USP34: variants seen among roughly 807,000 people sequenced by gnomAD.
USP34 encodes ubiquitin carboxyl-terminal hydrolase 34.
Under a neutral mutation model 460.3 loss-of-function variants are expected in USP34, and 70 were observed. The ratio of observed to expected loss-of-function variants is 0.15; its 90% CI spans 0.13 to 0.19. The LOEUF (loss-of-function observed/expected upper bound fraction) is 0.19. Ranked by LOEUF, USP34 falls within the 10% of genes least tolerant of loss-of-function variation. USP34 has a pLI of 1.00. For synonymous variants in USP34, 1,647 were observed against 1,405.3 expected (o/e 1.17, Z -3.85); for missense variants, 3,985 against 4,236.2 (o/e 0.94, Z 1.65).
In USP34 at chr2:61,348,387, T is replaced by C. The variant is rs1320942624; in HGVS notation, c.1768A>G (p.Ser590Gly). The C allele has an allele frequency of 6.2e-7, 1 of 1,614,020 alleles. No individual in the cohort carries two copies. Among genetic ancestry groups the C allele is most frequent in the Non-Finnish European group, 8.5e-7 (1 of 1,180,040 alleles). The stretch of plus-strand genomic sequence containing the variant: ...GCGTGGCTAGAATTAACCTCATTGC[T>C]AGATCCATCACTATGCCCACTACTG... ...GSSSGHSDGSSNEVNSSHASQ... is the reference protein window; with the variant it reads ...GSSSGHSDGSGNEVNSSHASQ... Residue 590 changes from serine to glycine, a missense_variant, in exon 15 of 80, where the codon AGC becomes GGC. This residue lies in a region of USP34 where 716 missense variants were observed against 626.2 expected (regional missense o/e 1.14). Transcript: ENST00000398571.
At chr2:61,410,586 T>C (rs1355346666) in intron 2 of USP34, among the ~76,000 whole-genome samples, 1 of 152,208 alleles carries the variant, frequency 6.6e-6, no homozygotes, top group Non-Finnish European at 1.5e-5. Flanking sequence ...TAAATAAAAA[T>C]ATCACTTTCA....
intron 27 of USP34, 148 bp from the exon 28 acceptor site, chr2:61,301,602 A>G (rs1690226834): frequency 8.5e-6 from 6 of 703,544 alleles, no homozygotes; most frequent in Non-Finnish European, 2.3e-6. Flanking sequence ...TAGATTGAGG[A>G]TAGTTATTTC....
In USP34 at chr2:61,319,344, A is replaced by T. The variant is rs764202330; in HGVS notation, c.3014-17T>A. On this transcript the variant is annotated splice_polypyrimidine_tract_variant and intron_variant, in intron 21 of 79. Coordinates refer to ENST00000398571, the MANE Select transcript of USP34 (RefSeq NM_014709.4). ...AACTTAACCCTAGATAAAAATTATA[A>T]ATTTTATACTTTATTAACTACATAC... The T allele has an allele frequency of 1.1e-5, 16 of 1,500,738 alleles. No individual in the cohort carries two copies. Among genetic ancestry groups the T allele is most frequent in the East Asian group, 9.8e-5 (4 of 40,840 alleles). 93.0% of individuals were successfully genotyped at this position (1,500,738 alleles called of 1,614,324 possible). A position where few individuals can be genotyped will look rare whatever the true frequency, so the allele number is the denominator to read the frequency against.
intron 5 of USP34, among the ~76,000 whole-genome samples, chr2:61,388,933 A>C (rs1252752924): frequency 6.6e-6 from 1 of 152,170 alleles, no homozygotes; most frequent in Non-Finnish European, 1.5e-5. Flanking sequence ...CATCACCAGT[A>C]AAATAAATTG....
intron 33 of USP34, 145 bp downstream of exon 33, chr2:61,293,319 A>C: frequency 4.1e-6 from 2 of 491,388 alleles, no homozygotes; most frequent in Non-Finnish European, 7.0e-6. Flanking sequence ...TTAGTTTATC[A>C]AACTGTATTT....
chr2:61,289,366 C>G (rs1558511719), intron 33 of USP34, among the ~76,000 whole-genome samples: 1 of 152,072 alleles, frequency 6.6e-6, no homozygotes, highest in Admixed American at 6.5e-5. Flanking sequence ...GAAACTCTTG[C>G]ACTTTCCATA....
intron 2 of USP34, among the ~76,000 whole-genome samples, chr2:61,419,937 A>G (rs899690696): frequency 2.0e-5 from 3 of 152,254 alleles, no homozygotes; most frequent in Non-Finnish European, 4.4e-5. Flanking sequence ...TAAAATCTAC[A>G]AAGTCTTTTG....
At position 61,301,078 on chromosome 2, in the gene USP34, G is replaced by A; in HGVS notation, c.4001C>T (p.Pro1334Leu). The change falls in exon 29 of 80, where the codon CCT (proline) becomes CTT (leucine). Residue 1334 changes from proline to leucine, a missense_variant. Pro to Leu is a moderately conservative substitution (Grantham distance 98, BLOSUM62 -3). Around this residue, in one of 14 missense-constraint regions of USP34, gnomAD observed 1,114 missense variants for 1,122.5 expected, o/e 0.99. Coordinates refer to ENST00000398571, the MANE Select transcript of USP34 (RefSeq NM_014709.4). ...VQLPASCLPPPQKDNIPMLLL... is the reference protein window; with the variant it reads ...VQLPASCLPPLQKDNIPMLLL... ...AAGCATTGGAATGTTGTCCTTCTGA[G>A]GGGGTGGGAGGCAAGATGCTGGCAG... 6.2e-7 allele frequency: 1 copy of A among 1,614,078 alleles called. No individual in the cohort carries two copies. The highest frequency in any genetic ancestry group is 8.5e-7 in the Non-Finnish European group (1 of 1,179,994).
intron 72 of USP34, among the ~76,000 whole-genome samples, chr2:61,205,100 C>T (rs1000857580): frequency 2.0e-5 from 3 of 152,040 alleles, no homozygotes; most frequent in African/African-American, 7.2e-5. Flanking sequence ...TCGAGCAATC[C>T]CCTCCTGCCT....
chr2:61,276,663 TAA>T (rs1689381757), intron 41 of USP34, among the ~76,000 whole-genome samples: 1 of 152,200 alleles, frequency 6.6e-6, no homozygotes, highest in Admixed American at 6.5e-5. Context: ...TATTTGGGGA[TAA>T]AAGTTATATA....
chr2:61,394,052 C>T (rs1348300986), intron 5 of USP34, among the ~76,000 whole-genome samples: 7 of 151,948 alleles, frequency 4.6e-5, no homozygotes, highest in African/African-American at 9.7e-5. Flanking sequence ...ACCCAGGAGG[C>T]GGAGGGTGCA....
intron 1 of USP34, among the ~76,000 whole-genome samples, chr2:61,455,265 G>A (rs1348501257): frequency 2.0e-5 from 3 of 151,880 alleles, no homozygotes; most frequent in Admixed American, 1.3e-4. Context: ...TGCAACCTCC[G>A]CCTCCCGGGT....
chr2:61,232,698 AG>A (rs1224771642), intron 57 of USP34, among the ~76,000 whole-genome samples, 166 bp from the exon 58 acceptor site: 1 of 152,164 alleles, frequency 6.6e-6, no homozygotes, highest in Non-Finnish European at 1.5e-5. Context: ...AATCATAATA[AG>A]GGTTACCTCA....
At chr2:61,302,471 T>G (rs1690259810) in intron 27 of USP34, among the ~76,000 whole-genome samples, 1 of 152,250 alleles carries the variant, frequency 6.6e-6, no homozygotes, top group African/African-American at 2.4e-5. Context: ...ATTGTGTAGC[T>G]AAATCTATGA....
chr2:61,268,401 G>C (rs1430750009), intron 41 of USP34, among the ~76,000 whole-genome samples: 1 of 127,140 alleles, frequency 7.9e-6, no homozygotes. Flanking sequence ...AGGAATGAGT[G>C]AGTTCTCACT....
intron 10 of USP34, among the ~76,000 whole-genome samples, chr2:61,362,457 A>C (rs1692303280): frequency 6.6e-6 from 1 of 152,210 alleles, no homozygotes; most frequent in African/African-American, 2.4e-5. Context: ...ATATACATAC[A>C]CACATAGGGA....
intron 1 of USP34, among the ~76,000 whole-genome samples, chr2:61,465,496 A>T (rs576165738): frequency 3.9e-5 from 6 of 152,232 alleles, no homozygotes; most frequent in Non-Finnish European, 8.8e-5. Context: ...AAGTCTGTGC[A>T]TATCTAATAC....
At chr2:61,373,588 G>A (rs1202770273) in intron 8 of USP34, among the ~76,000 whole-genome samples, 13 of 151,990 alleles carry the variant, frequency 8.6e-5, no homozygotes, top group Admixed American at 8.5e-4. Context: ...CAAGTTACCA[G>A]GAATACATAT....
intron 41 of USP34, among the ~76,000 whole-genome samples, chr2:61,275,726 C>T (rs976962652): frequency 6.6e-6 from 1 of 151,726 alleles, no homozygotes; most frequent in African/African-American, 2.4e-5. Flanking sequence ...CATGTGTAGA[C>T]AGTATTGTAT....
Sources: gnomAD v4.1 joint callset for allele counts (sites outside exome capture counted in the v4.1 genomes callset) on GRCh38, gnomAD v4.1.1 for gene constraint, gnomAD v4.1.1 regional missense constraint, MANE v1.5 for transcripts, NCBI Gene and HGNC (gene_info 2026-07-23, HGNC 2026-07-21) for gene names.